The following SPAG16 variants were observed in gnomAD, a reference collection of about 807,000 sequenced individuals.
SPAG16 encodes sperm associated antigen 16.
A neutral mutation model predicts 80.4 loss-of-function variants in SPAG16; 86 were observed. That is an observed-to-expected ratio of 1.07 (90% CI 0.90 to 1.28). The LOEUF (loss-of-function observed/expected upper bound fraction) is 1.28, where lower values mean the gene tolerates loss of function less well. Among genes scored for constraint, SPAG16 ranks in the 50% most tolerant of loss-of-function variants. The pLI is 0.00. For synonymous variants in SPAG16, 294 were observed against 265.9 expected, an observed-to-expected ratio of 1.11 and a Z score of -1.03; for missense variants, 870 against 765.3, an observed-to-expected ratio of 1.14 and a Z score of -1.61.
At chr2:214,042,168 C>T (rs995540809) in intron 13 of SPAG16, among the ~76,000 whole-genome samples, 1 of 151,006 alleles carries the variant, frequency 6.6e-6, no homozygotes, top group African/African-American at 2.4e-5. Context: ...TTACTGCAAC[C>T]TCTATCTCCT....
Position 213,817,372 on chromosome 2 carries a change from T to G in SPAG16, c.1071-45113T>G, listed in dbSNP as rs144134423. ...TGGTGAGACTAACAGAGAAACACTATATACACTGTTAGTGGGAAAGTAAAT... is the reference window on the plus strand; with the variant it reads ...TGGTGAGACTAACAGAGAAACACTAGATACACTGTTAGTGGGAAAGTAAAT... On this transcript the variant is annotated intron_variant, in intron 10 of 15. Coordinates refer to ENST00000331683, the MANE Select transcript of SPAG16 (RefSeq NM_024532.5). 5.9e-5 allele frequency among the ~76,000 whole-genome samples: 9 copies of G among 151,360 alleles called. No homozygotes were observed. The East Asian group carries it at 1.7e-3, about 29-fold the overall frequency.
At chr2:214,109,298 A>G (rs993685809) in intron 14 of SPAG16, among the ~76,000 whole-genome samples, 9 of 152,202 alleles carry the variant, frequency 5.9e-5, no homozygotes, top group African/African-American at 2.2e-4. Context: ...TTCAGATAGT[A>G]ATCAAAGAAG....
At chr2:213,897,679 T>C (rs1009362334) in intron 11 of SPAG16, among the ~76,000 whole-genome samples, 4 of 152,158 alleles carry the variant, frequency 2.6e-5, no homozygotes, top group African/African-American at 9.7e-5. Flanking sequence ...ACTGAGCTCA[T>C]CACACGCGGT....
In SPAG16 at chr2:213,350,587, A is replaced by C; in HGVS notation, c.704A>C (p.His235Pro). ...PTIRVLHEKH[H>P]TLLKEKMLTS... ...ATAAGGGTGTTACATGAGAAACACCACACTTTACTGAAGGAGAAAATGCTG... is the reference window on the plus strand; with the variant it reads ...ATAAGGGTGTTACATGAGAAACACCCCACTTTACTGAAGGAGAAAATGCTG... Residue 235 changes from histidine to proline, a missense_variant, in exon 7 of 16, where the codon CAC becomes CCC. Coordinates refer to ENST00000331683, the MANE Select transcript of SPAG16 (RefSeq NM_024532.5). 6.2e-7 allele frequency: 1 copy of C among 1,605,010 alleles called. No homozygotes were observed. The highest frequency in any genetic ancestry group is 8.5e-7 in the Non-Finnish European group (1 of 1,177,328).
At chr2:214,278,295 G>C (rs1293067879) in intron 15 of SPAG16, among the ~76,000 whole-genome samples, 1 of 152,190 alleles carries the variant, frequency 6.6e-6, no homozygotes, top group African/African-American at 2.4e-5. Flanking sequence ...GCCCCACCCT[G>C]CTTTGGCTCA....
chr2:214,336,268 A>G (rs971884901), intron 15 of SPAG16, among the ~76,000 whole-genome samples: 1 of 152,214 alleles, frequency 6.6e-6, no homozygotes, highest in Non-Finnish European at 1.5e-5. Context: ...AGAAGATTCT[A>G]TATTTATTAT....
chr2:213,337,903 C>T lies in SPAG16; in HGVS notation c.537-2260C>T, dbSNP rs2064459161. Among the ~76,000 whole-genome samples, 5 of 151,874 alleles carry T rather than the reference C, an allele frequency of 3.3e-5. No individual in the cohort carries two copies. The South Asian group carries it at 1.0e-3, about 32-fold the overall frequency. ...TAAGATACTACATGAGAAGATCAAG[C>T]AAAAGACACATAATCATCAGATTCT... On this transcript the variant is annotated intron_variant, in intron 5 of 15. Coordinates refer to ENST00000331683, the MANE Select transcript of SPAG16 (RefSeq NM_024532.5).
At chr2:213,885,729 TA>T (rs2076530219) in intron 11 of SPAG16, among the ~76,000 whole-genome samples, 1 of 152,190 alleles carries the variant, frequency 6.6e-6, no homozygotes, top group Non-Finnish European at 1.5e-5. Flanking sequence ...TTCCATCATT[TA>T]CAACGTTTCA....
intron 11 of SPAG16, among the ~76,000 whole-genome samples, chr2:213,904,574 A>G (rs1315395211): frequency 1.4e-5 from 2 of 146,042 alleles, no homozygotes; most frequent in Admixed American, 1.4e-4. Flanking sequence ...GAGCCAAACC[A>G]TATCAATTAA....
At chr2:214,058,690 T>G (rs913276118) in intron 13 of SPAG16, among the ~76,000 whole-genome samples, 1 of 152,010 alleles carries the variant, frequency 6.6e-6, no homozygotes, top group African/African-American at 2.4e-5. Flanking sequence ...TAAAGCAAAG[T>G]ACAATAAAAT....
intron 13 of SPAG16, among the ~76,000 whole-genome samples, chr2:214,092,757 T>G (rs1373020992): frequency 1.3e-5 from 2 of 152,048 alleles, no homozygotes; most frequent in Non-Finnish European, 2.9e-5. Context: ...CAATTTCCAT[T>G]TCTGTTTACC....
chr2:213,990,991 C>T (rs1397149878), intron 12 of SPAG16, among the ~76,000 whole-genome samples: 1 of 152,026 alleles, frequency 6.6e-6, no homozygotes, highest in Admixed American at 6.6e-5. Flanking sequence ...TCTCCAAATC[C>T]ACTTATTTTT....
chr2:213,606,288 T>C (rs142923058), intron 10 of SPAG16, among the ~76,000 whole-genome samples: 143 of 152,348 alleles, frequency 9.4e-4, no homozygotes, highest in African/African-American at 3.4e-3. Flanking sequence ...GGTGGATGTA[T>C]GCTCAACAAA....
intron 11 of SPAG16, among the ~76,000 whole-genome samples, chr2:213,882,694 T>G (rs2076389647): frequency 1.3e-5 from 2 of 152,206 alleles, no homozygotes; most frequent in African/African-American, 4.8e-5. Context: ...CTTCTCTTTT[T>G]TTGTTAATCT....
At chr2:213,477,404 C>T (rs2125683294) in intron 9 of SPAG16, among the ~76,000 whole-genome samples, 1 of 152,340 alleles carries the variant, frequency 6.6e-6, no homozygotes, top group East Asian at 1.9e-4. Flanking sequence ...GCCACAGACA[C>T]TTAACACCAA....
intron 15 of SPAG16, among the ~76,000 whole-genome samples, chr2:214,354,397 T>G (rs1266571461): frequency 6.6e-6 from 1 of 152,210 alleles, no homozygotes; most frequent in African/African-American, 2.4e-5. Flanking sequence ...TTTTGGTTAC[T>G]GTAGAGTTGT....
At chr2:213,703,448 A>G (rs116263434) in intron 10 of SPAG16, among the ~76,000 whole-genome samples, 2,148 of 152,318 alleles carry the variant, frequency 0.014, 30 homozygotes, top group South Asian at 0.056. Context: ...GAAAACTGTG[A>G]AACAAACCCA....
intron 13 of SPAG16, among the ~76,000 whole-genome samples, chr2:214,067,128 C>G (rs972190988): frequency 6.6e-6 from 1 of 152,096 alleles, no homozygotes; most frequent in Non-Finnish European, 1.5e-5. Context: ...AACTTTTCAG[C>G]TTTCTATGTG....
intron 13 of SPAG16, among the ~76,000 whole-genome samples, chr2:214,051,968 T>G (rs990747389): frequency 2.8e-4 from 42 of 152,210 alleles, no homozygotes; most frequent in Admixed American, 2.6e-3. Context: ...TAGATTTCCC[T>G]TTTTTCTTCC....
Sources: allele counts gnomAD v4.1 joint callset (sites outside exome capture counted in the v4.1 genomes callset), GRCh38; gene constraint gnomAD v4.1.1; transcripts MANE v1.5; gene names NCBI Gene and HGNC (gene_info 2026-07-23, HGNC 2026-07-21).